GLP1R: variants seen among roughly 807,000 people sequenced by gnomAD.
GLP1R encodes the protein glucagon like peptide 1 receptor.
In GLP1R, 32 loss-of-function variants were observed where a neutral mutation model predicts 68.4. The ratio of observed to expected loss-of-function variants is 0.47; its 90% CI spans 0.35 to 0.63. The LOEUF (loss-of-function observed/expected upper bound fraction) is 0.63, where lower values mean the gene tolerates loss of function less well. Ranked by LOEUF, GLP1R falls within the 20% of genes least tolerant of loss-of-function variation. The probability of loss-of-function intolerance (pLI) is 0.00; values close to 1 mark genes in which losing one functional copy is unlikely to be tolerated. For missense variants in GLP1R, 502 were observed against 594.9 expected (o/e 0.84, Z 1.62); for synonymous variants, 263 against 244.4 (o/e 1.08, Z -0.71).
At chr6:39,058,855 A>C (rs934482752) in intron 3 of GLP1R, among the ~76,000 whole-genome samples, 1 of 152,236 alleles carries the variant, frequency 6.6e-6, no homozygotes, top group African/African-American at 2.4e-5. Flanking sequence ...CAGAGCCAGG[A>C]TTTGAATCCA....
chr6:39,057,915 T>C (rs1768258093), intron 3 of GLP1R, among the ~76,000 whole-genome samples: 1 of 152,118 alleles, frequency 6.6e-6, no homozygotes, highest in Admixed American at 6.5e-5. Flanking sequence ...CCGTCCCCTG[T>C]ATCGAGGAGG....
At chr6:39,057,836 C>T (rs1268890064) in intron 3 of GLP1R, among the ~76,000 whole-genome samples, 1 of 151,200 alleles carries the variant, frequency 6.6e-6, no homozygotes, top group Non-Finnish European at 1.5e-5. Flanking sequence ...TGCCGTGGGT[C>T]AGCAGTGGTG....
rs1769187562 is a variant in GLP1R, at chr6:39,087,800, AG to A, written c.*1729del. The A allele has an allele frequency of 6.6e-6, 1 of 152,188 alleles. No homozygotes were observed. Among genetic ancestry groups the A allele is most frequent in the African/African-American group, 2.4e-5 (1 of 41,450 alleles). The allele number at this position is 152,188 out of a possible 1,614,324, so 9.4% of individuals were successfully genotyped here. ...GCAAGTTGAACCTCGGGCTAAAGAA[AG>A]GAATTGTGTGGATGGCTGCCTTGAC... is the stretch of plus-strand genomic sequence containing the variant. On this transcript the variant is annotated 3_prime_UTR_variant, in exon 13 of 13. Coordinates refer to ENST00000373256, the MANE Select transcript of GLP1R (RefSeq NM_002062.5).
chr6:39,068,370 T>C (rs914640338), intron 5 of GLP1R, among the ~76,000 whole-genome samples: 8 of 152,158 alleles, frequency 5.3e-5, no homozygotes, highest in African/African-American at 1.9e-4. Context: ...TGCTGGTGGC[T>C]CTACCAGTCT....
At chr6:39,081,429 G>A (rs2300613) in intron 12 of GLP1R, among the ~76,000 whole-genome samples, 44,959 of 152,090 alleles carry the variant, frequency 0.3, 6,811 homozygotes, top group East Asian at 0.35. Context: ...GATGGGAGAA[G>A]GGGGTTCTCG....
At chr6:39,061,346 A>G (rs1768353013) in intron 3 of GLP1R, among the ~76,000 whole-genome samples, 1 of 152,252 alleles carries the variant, frequency 6.6e-6, no homozygotes, top group South Asian at 2.1e-4. Context: ...ACCCACAAAC[A>G]GCTGATCTGC....
rs767619542 is a variant in GLP1R at position 39,079,238 on chromosome 6, C to A, written c.1043+38C>A. ...AGCTGGCTTTACTGAGGACCCTCAG[C>A]AAGTGCCCCTTTCCTTCTAGCAGAG... On this transcript the variant is annotated intron_variant, in intron 10 of 12. Coordinates refer to ENST00000373256, the MANE Select transcript of GLP1R (RefSeq NM_002062.5). This position sits in a 1 kb window ranked among gnomAD's most constrained non-coding sequence, Gnocchi z 4.5. 7.4e-6 allele frequency: 10 copies of A among 1,350,840 alleles called. No individual in the cohort carries two copies. The highest frequency in any genetic ancestry group is 9.6e-6 in the Non-Finnish European group (9 of 939,616). The allele number at this position is 1,350,840 out of a possible 1,614,324, so 83.7% of individuals were successfully genotyped here. A position where few individuals can be genotyped will look rare whatever the true frequency, so the allele number is the denominator to read the frequency against.
chr6:39,057,539 G>GA lies in GLP1R; in HGVS notation c.245dup (p.Asn82LysfsTer26), dbSNP rs767116999. The GA allele has an allele frequency of 6.8e-6, 11 of 1,612,794 alleles. No homozygotes were observed. The highest frequency in any genetic ancestry group is 9.3e-6 in the Non-Finnish European group (11 of 1,179,540). On this transcript the variant is annotated frameshift_variant, in exon 3 of 13. Coordinates refer to ENST00000373256, the MANE Select transcript of GLP1R (RefSeq NM_002062.5). LOFTEE classifies it high-confidence loss of function. ...CAGATGGGGAGCCAGGCTCGTTCGTGAATGTCAGCTGCCCCTGGTACCTGC... is the reference window on the plus strand; with the variant it reads ...CAGATGGGGAGCCAGGCTCGTTCGTGAAATGTCAGCTGCCCCTGGTACCTGC...
At chr6:39,072,830 T>C (rs1308455862) in intron 5 of GLP1R, 32 bp from the exon 6 acceptor site, 4 of 1,603,652 alleles carry the variant, frequency 2.5e-6, no homozygotes, top group Non-Finnish European at 2.6e-6. Flanking sequence ...GTTGGCTGCC[T>C]TGCCAGGGAA....
intron 1 of GLP1R, among the ~76,000 whole-genome samples, chr6:39,051,058 C>T (rs899931696): frequency 2.8e-4 from 43 of 152,280 alleles, no homozygotes; most frequent in African/African-American, 9.4e-4. Flanking sequence ...TGGGAAGGCT[C>T]ATTCCCCTAC....
chr6:39,069,958 G>C (rs1768615122), intron 5 of GLP1R, among the ~76,000 whole-genome samples: 1 of 152,196 alleles, frequency 6.6e-6, no homozygotes, highest in Admixed American at 6.5e-5. Flanking sequence ...TGTCTAGTAA[G>C]GGCTTGCTCT....
Position 39,064,022 on chromosome 6 carries a change from G to C in GLP1R, c.284-1689G>C, listed in dbSNP as rs562731146. ...GTTCTTTTTTTTTTTTTTTTTTTGA[G>C]GCAGAGTCTCACTCTGTCGCCTAGG... On this transcript the variant is annotated intron_variant, in intron 3 of 12. Coordinates refer to ENST00000373256, the MANE Select transcript of GLP1R (RefSeq NM_002062.5). 7.5e-4 allele frequency among the ~76,000 whole-genome samples: 102 copies of C among 136,508 alleles called. 2 individuals are homozygous for C. Among genetic ancestry groups the C allele is most frequent in the African/African-American group, 2.5e-3 (86 of 34,588 alleles). The allele number at this position is 136,508 out of a possible 152,430, so 89.6% of individuals were successfully genotyped here.
rs1337414429 is a variant in GLP1R, at chr6:39,089,393, C to G, written c.*3320C>G. Among the ~76,000 whole-genome samples, 1 of 152,114 alleles carries G rather than the reference C, an allele frequency of 6.6e-6. No homozygotes were observed. The highest frequency in any genetic ancestry group is 2.4e-5 in the African/African-American group (1 of 41,396). On this transcript the variant is annotated 3_prime_UTR_variant, in exon 13 of 13. Coordinates refer to ENST00000373256, the MANE Select transcript of GLP1R (RefSeq NM_002062.5). The surrounding 1 kb of genome is among the most constrained non-coding windows in gnomAD (Gnocchi z 4.1). ...GAACCTCCCCTTTACCTCTTTAGAA[C>G]CTCTGAATTTGGAGACAGCTAGCAA... is the stretch of plus-strand genomic sequence containing the variant.
intron 2 of GLP1R, 134 bp downstream of exon 2, chr6:39,056,627 T>C: frequency 1.8e-6 from 1 of 569,502 alleles, no homozygotes; most frequent in Non-Finnish European, 3.2e-6. Flanking sequence ...TGCCTTCATC[T>C]CATTGTCCAA....
rs200457899 is a variant in GLP1R at position 39,086,115 on chromosome 6, G to T, written c.*42G>T. ...CTCCCTGGGGTCCTTGCTGCAGGCC[G>T]GGTGGCCAATCCAGGTGGGAGAGAC... On this transcript the variant is annotated 3_prime_UTR_variant, in exon 13 of 13. Coordinates refer to ENST00000373256, the MANE Select transcript of GLP1R (RefSeq NM_002062.5). The surrounding 1 kb of genome is among the most constrained non-coding windows in gnomAD (Gnocchi z 4.5). 2 of 1,588,440 alleles carry T rather than the reference G, an allele frequency of 1.3e-6. No individual in the cohort carries two copies. The highest frequency in any genetic ancestry group is 4.5e-5 in the East Asian group (2 of 44,664).
chr6:39,052,148 C>T (rs1046733980), intron 1 of GLP1R, among the ~76,000 whole-genome samples: 1 of 151,598 alleles, frequency 6.6e-6, no homozygotes, highest in East Asian at 1.9e-4. Context: ...CGTGTGTCCA[C>T]GTGGGGGTTT....
At position 39,090,265 on chromosome 6, in the gene GLP1R, G is replaced by A. The variant is rs930159575; in HGVS notation, c.*4192G>A. Among the ~76,000 whole-genome samples, 25 of 152,244 alleles carry A rather than the reference G, an allele frequency of 1.6e-4. No homozygotes were observed. Among genetic ancestry groups the A allele is most frequent in the Admixed American group, 1.6e-3 (24 of 15,284 alleles). ...TACTTCCGCTCTGTCAAGGAATACA[G>A]ACTGGCAGGAAGCAGATAAGCATAA... is the stretch of plus-strand genomic sequence containing the variant. On this transcript the variant is annotated 3_prime_UTR_variant, in exon 13 of 13. Coordinates refer to ENST00000373256, the MANE Select transcript of GLP1R (RefSeq NM_002062.5).
In GLP1R at chr6:39,048,936, C is replaced by G. The variant is rs1312150552; in HGVS notation, c.78+18C>G. The G allele has an allele frequency of 4.4e-6, 5 of 1,139,522 alleles. No individual in the cohort carries two copies. Among genetic ancestry groups the G allele is most frequent in the East Asian group, 3.1e-5 (1 of 32,658 alleles). 70.6% of individuals were successfully genotyped at this position (1,139,522 alleles called of 1,614,324 possible). On this transcript the variant is annotated intron_variant, in intron 1 of 12. Coordinates refer to ENST00000373256, the MANE Select transcript of GLP1R (RefSeq NM_002062.5). The stretch of plus-strand genomic sequence containing the variant: ...GCCCCCAGGTGAGATCCAGGGACCC[C>G]GACGACACCGGGGGAGGCGGGTGGC...
intron 12 of GLP1R, among the ~76,000 whole-genome samples, chr6:39,083,780 G>A (rs182963097): frequency 6.0e-4 from 91 of 152,292 alleles, no homozygotes; most frequent in African/African-American, 1.8e-3. Context: ...GGGCAGGGAT[G>A]AGGATAAAAA....
Sources: allele counts gnomAD v4.1 joint callset (sites outside exome capture counted in the v4.1 genomes callset), GRCh38; gene constraint gnomAD v4.1.1; non-coding constraint Gnocchi (gnomAD v3.1); transcripts MANE v1.5; gene names NCBI Gene and HGNC (gene_info 2026-07-23, HGNC 2026-07-21).